Variants in CFHR5 observed in about 807,000 individuals in gnomAD.
CFHR5 encodes complement factor H related 5, also known as complement factor H-related protein 5.
Under a neutral mutation model 62.9 loss-of-function variants are expected in CFHR5, and 73 were observed. The observed-to-expected ratio is 1.16, with a 90% CI of 0.96 to 1.41. The LOEUF is 1.41. Among genes scored for constraint, CFHR5 ranks in the 40% most tolerant of loss-of-function variants. The pLI, the probability that CFHR5 is intolerant of heterozygous loss-of-function variation, is 0.00. For missense variants in CFHR5, 779 were observed against 679.9 expected, an observed-to-expected ratio of 1.15 and a Z score of -1.62; for synonymous variants, 249 against 227.2, an observed-to-expected ratio of 1.10 and a Z score of -0.86.
At chr1:196,980,806 A>G (rs1054362660) in intron 1 of CFHR5, among the ~76,000 whole-genome samples, 25 of 152,134 alleles carry the variant, frequency 1.6e-4, no homozygotes, top group African/African-American at 6.0e-4. Flanking sequence ...AGCAAGTTCT[A>G]AAGGATAGGT....
chr1:196,977,877 C>T (rs917764779), intron 1 of CFHR5, among the ~76,000 whole-genome samples, 155 bp downstream of exon 1: 1 of 151,964 alleles, frequency 6.6e-6, no homozygotes, highest in African/African-American at 2.4e-5. Flanking sequence ...AAATATTTTC[C>T]AACATGCAAT....
In CFHR5 at chr1:196,996,124, G is replaced by GA. The variant is rs1233073714; in HGVS notation, c.896dup (p.Asn299LysfsTer2). Reference sequence around the variant, plus strand: ...GGAGTTTCAGTCGAGGTGAATTGCAGAAATGAATATGCAATGATTGGAAAT... The same window carrying GA: ...GGAGTTTCAGTCGAGGTGAATTGCAGAAAATGAATATGCAATGATTGGAAAT... On this transcript the variant is annotated frameshift_variant, in exon 6 of 10. Transcript: ENST00000256785. LOFTEE classifies it high-confidence loss of function. The GA allele has an allele frequency of 1.2e-6, 2 of 1,611,840 alleles. No individual in the cohort carries two copies. The highest frequency in any genetic ancestry group is 2.7e-5 in the African/African-American group (2 of 74,810).
chr1:197,000,283 T>C (rs1292026860), intron 7 of CFHR5, among the ~76,000 whole-genome samples: 1 of 152,118 alleles, frequency 6.6e-6, no homozygotes, highest in Non-Finnish European at 1.5e-5. Context: ...ACCTTGCTTG[T>C]TCTTGAGAAA....
upstream of CFHR5, among the ~76,000 whole-genome samples, chr1:196,975,258 A>C (rs1461082413): frequency 1.3e-5 from 2 of 152,188 alleles, no homozygotes; most frequent in Non-Finnish European, 2.9e-5. Context: ...AATGAATTAA[A>C]GTAGAGATTG....
At chr1:196,975,806 A>G (rs1036875854), upstream of CFHR5, among the ~76,000 whole-genome samples, 1 of 152,182 alleles carries the variant, frequency 6.6e-6, no homozygotes. Flanking sequence ...TGCTGCTTCA[A>G]TTCAGGCACA....
At chr1:196,999,683 G>GTATATATATATATATATATA (rs35191504) in intron 7 of CFHR5, among the ~76,000 whole-genome samples, 3 of 110,664 alleles carry the variant, frequency 2.7e-5, no homozygotes, top group African/African-American at 3.9e-5. Flanking sequence ...TTGGGAAAAA[G>GTATATATATATATATATATA]TATATATATA....
At chr1:196,979,119 T>C (rs937456952) in intron 1 of CFHR5, among the ~76,000 whole-genome samples, 13 of 152,184 alleles carry the variant, frequency 8.5e-5, no homozygotes, top group Admixed American at 7.2e-4. Flanking sequence ...CAATATATTG[T>C]GCTTCATGCT....
chr1:196,991,742 C>A (rs1433412152), intron 3 of CFHR5, among the ~76,000 whole-genome samples: 1 of 152,192 alleles, frequency 6.6e-6, no homozygotes, highest in African/African-American at 2.4e-5. Flanking sequence ...TTGCTGCCTG[C>A]TCCTTCCTCT....
chr1:197,003,097 G>A (rs1408734567), intron 8 of CFHR5, among the ~76,000 whole-genome samples: 3 of 152,070 alleles, frequency 2.0e-5, no homozygotes, highest in Non-Finnish European at 4.4e-5. Context: ...AGGAGGTTGG[G>A]GGATGGTTTC....
chr1:196,995,508 A>G (rs1653964551), intron 4 of CFHR5, among the ~76,000 whole-genome samples: 1 of 152,088 alleles, frequency 6.6e-6, no homozygotes, highest in Non-Finnish European at 1.5e-5. Flanking sequence ...TTCTCCTTTC[A>G]TTTGCTCAAA....
chr1:196,992,496 C>T (rs1319436508), intron 3 of CFHR5, among the ~76,000 whole-genome samples: 1 of 152,138 alleles, frequency 6.6e-6, no homozygotes, highest in East Asian at 1.9e-4. Flanking sequence ...GAGGCAATGC[C>T]CTGCTTTGCT....
At chr1:197,002,376 AGTGT>A (rs542991660) in intron 7 of CFHR5, 102 bp from the exon 8 acceptor site, 1 of 735,830 alleles carries the variant, frequency 1.4e-6, no homozygotes, top group South Asian at 1.6e-5. Context: ...AGAGAGACAT[AGTGT>A]GTGTGTGTCA....
intron 3 of CFHR5, among the ~76,000 whole-genome samples, chr1:196,989,225 T>A (rs1368382199): frequency 6.6e-6 from 1 of 152,188 alleles, no homozygotes; most frequent in Non-Finnish European, 1.5e-5. Flanking sequence ...ATCCCCTTTA[T>A]CATTTTTTAT....
intron 3 of CFHR5, among the ~76,000 whole-genome samples, chr1:196,993,080 C>G (rs1321431930): frequency 1.3e-5 from 2 of 152,006 alleles, no homozygotes; most frequent in Non-Finnish European, 2.9e-5. Context: ...ATATACATAT[C>G]TATTTCTAAT....
At chr1:196,994,721 C>T (rs1252770717) in intron 4 of CFHR5, among the ~76,000 whole-genome samples, 1 of 151,886 alleles carries the variant, frequency 6.6e-6, no homozygotes, top group Non-Finnish European at 1.5e-5. Flanking sequence ...TGTATTAGTC[C>T]CTTTTCACAA....
intron 9 of CFHR5, 91 bp from the exon 10 acceptor site, chr1:197,008,396 C>T (rs1654347188): frequency 1.5e-6 from 1 of 674,418 alleles, no homozygotes; most frequent in Non-Finnish European, 2.2e-6. Context: ...CATTTTAATT[C>T]CAAAATATTC....
At chr1:196,975,071 G>A (rs1653363333), upstream of CFHR5, among the ~76,000 whole-genome samples, 1 of 152,138 alleles carries the variant, frequency 6.6e-6, no homozygotes, top group South Asian at 2.1e-4. Context: ...TGAGACAGAA[G>A]AGAAACCAGG....
At chr1:197,004,595 G>C in intron 8 of CFHR5, 66 bp from the exon 9 acceptor site, 1 of 1,210,114 alleles carries the variant, frequency 8.3e-7, no homozygotes, top group Non-Finnish European at 1.2e-6. Flanking sequence ...TATGATACAT[G>C]ATGCTTCATT....
chr1:196,987,861 T>C (rs1325570135), intron 3 of CFHR5, among the ~76,000 whole-genome samples: 2 of 152,208 alleles, frequency 1.3e-5, no homozygotes, highest in Non-Finnish European at 2.9e-5. Flanking sequence ...GCCCCTTTTT[T>C]GATTCCATAT....
Sources: gnomAD v4.1 joint callset for allele counts (sites outside exome capture counted in the v4.1 genomes callset) on GRCh38, gnomAD v4.1.1 for gene constraint, MANE v1.5 for transcripts, NCBI Gene and HGNC (gene_info 2026-07-23, HGNC 2026-07-21) for gene names.